ARHGAP8: variants seen among roughly 807,000 people sequenced by gnomAD.
The protein encoded by ARHGAP8 is Rho GTPase activating protein 8.
A neutral mutation model predicts 46.1 loss-of-function variants in ARHGAP8; 62 were observed. The observed-to-expected ratio is 1.34, with a 90% CI of 1.10 to 1.66. The LOEUF (loss-of-function observed/expected upper bound fraction) is 1.66. Ranked by LOEUF, ARHGAP8 falls within the 40% of genes most tolerant of loss-of-function variation. ARHGAP8 has a pLI of 0.00. For missense variants in ARHGAP8, 923 were observed against 568.4 expected, an observed-to-expected ratio of 1.62 and a Z score of -6.34; for synonymous variants, 375 against 243.1, an observed-to-expected ratio of 1.54 and a Z score of -5.05.
chr22:44,832,767 A>G (rs1423388819), intron 7 of ARHGAP8, among the ~76,000 whole-genome samples: 1 of 151,896 alleles, frequency 6.6e-6, no homozygotes, highest in East Asian at 1.9e-4. Context: ...CCTGACTGTA[A>G]CCTCCAATAC....
Position 44,833,099 on chromosome 22 carries a change from T to TTCTTTTCTTTC in ARHGAP8, c.596+7507_596+7508insCTTTTCTTTCT, listed in dbSNP as rs1343790136. Reference sequence around the variant, plus strand: ...CTTTTTTCTTTTCTTTTCTTTTCTTTTTTTTTTTTTTTTTTGAGATAGAGT... The same window carrying TTCTTTTCTTTC: ...CTTTTTTCTTTTCTTTTCTTTTCTTTTCTTTTCTTTCTTTTTTTTTTTTTTTGAGATAGAGT... On this transcript the variant is annotated intron_variant, in intron 7 of 11. Coordinates refer to ENST00000356099, the MANE Select transcript of ARHGAP8 (RefSeq NM_181335.3). 5.9e-5 allele frequency among the ~76,000 whole-genome samples: 8 copies of TTCTTTTCTTTC among 135,122 alleles called. No homozygotes were observed. In the East Asian group the frequency reaches 8.3e-4, roughly 14 times the overall value. 88.6% of individuals were successfully genotyped at this position (135,122 alleles called of 152,430 possible).
chr22:44,789,647 G>T (rs1260130925), intron 2 of ARHGAP8, among the ~76,000 whole-genome samples: 2 of 151,926 alleles, frequency 1.3e-5, no homozygotes, highest in African/African-American at 4.8e-5. Flanking sequence ...TACAGGCACA[G>T]GCCACCACGC....
intron 3 of ARHGAP8, among the ~76,000 whole-genome samples, chr22:44,805,853 A>G (rs901947832): frequency 5.9e-5 from 9 of 152,258 alleles, no homozygotes; most frequent in Middle Eastern, 3.4e-3. Flanking sequence ...GCATGCTCCT[A>G]TTTTTGAAGC....
At chr22:44,857,394 G>A (rs1218574705) in intron 10 of ARHGAP8, among the ~76,000 whole-genome samples, 1 of 152,132 alleles carries the variant, frequency 6.6e-6, no homozygotes, top group Non-Finnish European at 1.5e-5. Context: ...CCCCATCTTA[G>A]GTTCCTTGGT....
intron 7 of ARHGAP8, among the ~76,000 whole-genome samples, chr22:44,834,549 C>T (rs767407537): frequency 2.0e-4 from 31 of 152,076 alleles, no homozygotes; most frequent in Non-Finnish European, 4.3e-4. Flanking sequence ...GGAGAATATT[C>T]AACGGACACA....
intron 2 of ARHGAP8, among the ~76,000 whole-genome samples, chr22:44,791,588 C>T (rs1377331028): frequency 6.6e-6 from 1 of 152,060 alleles, no homozygotes; most frequent in Non-Finnish European, 1.5e-5. Context: ...CCTGTAATCC[C>T]CGCTACTTGG....
At chr22:44,779,393 G>A (rs941209605) in intron 1 of ARHGAP8, among the ~76,000 whole-genome samples, 9 of 151,588 alleles carry the variant, frequency 5.9e-5, no homozygotes, top group African/African-American at 1.9e-4. Context: ...GAGCTACTGC[G>A]CCCGGCCGGT....
intron 10 of ARHGAP8, among the ~76,000 whole-genome samples, chr22:44,859,214 C>T (rs535091561): frequency 5.3e-5 from 8 of 152,052 alleles, no homozygotes; most frequent in South Asian, 2.1e-4. Flanking sequence ...GTCCCCAGCG[C>T]GTCTCATGTT....
intron 7 of ARHGAP8, among the ~76,000 whole-genome samples, chr22:44,843,994 G>A (rs1004824457): frequency 6.6e-6 from 1 of 152,106 alleles, no homozygotes; most frequent in South Asian, 2.1e-4. Flanking sequence ...GGAGAGAGTT[G>A]AAGTCTTGCT....
chr22:44,844,603 C>T (rs762484505), intron 7 of ARHGAP8, among the ~76,000 whole-genome samples: 1 of 152,018 alleles, frequency 6.6e-6, no homozygotes, highest in Non-Finnish European at 1.5e-5. Context: ...GCTGAGATTA[C>T]AGGTGTACAC....
At chr22:44,853,143 G>A (rs979133613) in intron 10 of ARHGAP8, among the ~76,000 whole-genome samples, 3 of 152,172 alleles carry the variant, frequency 2.0e-5, no homozygotes, top group African/African-American at 7.2e-5. Context: ...TAGTTGAGAA[G>A]ATTCCTAGAT....
At chr22:44,844,156 G>C (rs1046551546) in intron 7 of ARHGAP8, among the ~76,000 whole-genome samples, 8 of 152,122 alleles carry the variant, frequency 5.3e-5, no homozygotes. Context: ...ATTTTTAGTA[G>C]AGACGGGGTT....
chr22:44,786,787 G>A (rs1177750247), intron 2 of ARHGAP8, among the ~76,000 whole-genome samples, 181 bp downstream of exon 2: 4 of 152,102 alleles, frequency 2.6e-5, no homozygotes, highest in Non-Finnish European at 5.9e-5. Flanking sequence ...GGCCAAAGTG[G>A]GCAGATTGCT....
chr22:44,808,898 G>A (rs1929138259), intron 4 of ARHGAP8: 3 of 363,806 alleles, frequency 8.2e-6, no homozygotes, highest in African/African-American at 6.4e-5. Flanking sequence ...GTTCACTGCA[G>A]CCTCGGCCTC....
intron 9 of ARHGAP8, among the ~76,000 whole-genome samples, chr22:44,848,361 G>GT (rs138327966): frequency 2.0e-5 from 3 of 151,996 alleles, no homozygotes; most frequent in Admixed American, 6.5e-5. Flanking sequence ...AGGGAAGCTG[G>GT]TTTTTTTTAT....
intron 2 of ARHGAP8, among the ~76,000 whole-genome samples, chr22:44,800,506 C>T (rs947416309): frequency 6.6e-6 from 1 of 152,086 alleles, no homozygotes; most frequent in Non-Finnish European, 1.5e-5. Flanking sequence ...TACCCCTCCC[C>T]GCAGCTGTCC....
At chr22:44,764,224 T>C (rs1925376866) in intron 1 of ARHGAP8, among the ~76,000 whole-genome samples, 1 of 152,060 alleles carries the variant, frequency 6.6e-6, no homozygotes, top group Admixed American at 6.5e-5. Context: ...GATGCAAGCG[T>C]GTTCTGTTGA....
chr22:44,821,194 G>A (rs934770562), intron 5 of ARHGAP8, among the ~76,000 whole-genome samples: 1 of 151,862 alleles, frequency 6.6e-6, no homozygotes, highest in African/African-American at 2.4e-5. Context: ...CACTTTGGGA[G>A]GCCAAGGCGG....
chr22:44,846,735 G>A (rs1000375011), intron 8 of ARHGAP8, among the ~76,000 whole-genome samples: 1 of 152,134 alleles, frequency 6.6e-6, no homozygotes, highest in Non-Finnish European at 1.5e-5. Context: ...GGAGGCATTC[G>A]CTACGTGCCT....
Sources: allele counts gnomAD v4.1 joint callset (sites outside exome capture counted in the v4.1 genomes callset), GRCh38; gene constraint gnomAD v4.1.1; transcripts MANE v1.5; gene names NCBI Gene and HGNC (gene_info 2026-07-23, HGNC 2026-07-21).